Variants in LEF1 observed in about 807,000 individuals in gnomAD.
The protein encoded by LEF1 is lymphoid enhancer binding factor 1.
LEF1 carries 14 observed loss-of-function variants against 51.2 expected under a neutral mutation model. The ratio of observed to expected loss-of-function variants is 0.27; its 90% CI spans 0.18 to 0.43. The LOEUF (loss-of-function observed/expected upper bound fraction) is 0.43. Among genes scored for constraint, LEF1 ranks in the 20% least tolerant of loss-of-function variants. The probability of loss-of-function intolerance (pLI) is 1.00; values close to 1 mark genes in which losing one functional copy is unlikely to be tolerated. For missense variants in LEF1, 386 were observed against 512.0 expected, an observed-to-expected ratio of 0.75 and a Z score of 2.37; for synonymous variants, 185 against 183.2, an observed-to-expected ratio of 1.01 and a Z score of -0.08.
chr4:108,084,260 A>G (rs1739500293), intron 4 of LEF1, among the ~76,000 whole-genome samples: 1 of 152,206 alleles, frequency 6.6e-6, no homozygotes, highest in Non-Finnish European at 1.5e-5. Context: ...AACAACTTAG[A>G]TTCAATGTGT....
chr4:108,129,812 C>CA (rs1025933311), intron 3 of LEF1, among the ~76,000 whole-genome samples: 1 of 152,090 alleles, frequency 6.6e-6, no homozygotes, highest in East Asian at 1.9e-4. Context: ...ATCCTAGGCA[C>CA]AAAAAATGTG....
rs3819199 is a variant in LEF1, at chr4:108,081,403, C to A, written c.722+183G>T. 8.1e-3 allele frequency among the ~76,000 whole-genome samples: 1,230 copies of A among 151,758 alleles called. 12 individuals carry two copies. Among genetic ancestry groups the A allele is most frequent in the African/African-American group, 0.028 (1,161 of 41,384 alleles). ...TGTGGCTGGTCCGGCCGGGGCACAG[C>A]GCAGAGCTCCTACCCGGGACTCTCT... On this transcript the variant is annotated intron_variant, in intron 6 of 11. Coordinates refer to ENST00000265165, the MANE Select transcript of LEF1 (RefSeq NM_016269.5).
intron 9 of LEF1, among the ~76,000 whole-genome samples, chr4:108,065,152 G>T (rs1737982108): frequency 6.6e-6 from 1 of 152,126 alleles, no homozygotes; most frequent in East Asian, 1.9e-4. Context: ...CACTTACAGT[G>T]GTCTAATTTT....
chr4:108,065,976 T>C (rs538195453), intron 9 of LEF1, among the ~76,000 whole-genome samples: 124 of 152,204 alleles, frequency 8.1e-4, no homozygotes, highest in African/African-American at 2.7e-3. Context: ...GATCTTGGCT[T>C]ACTGCAACCT....
chr4:108,064,451 G>T, intron 9 of LEF1, 67 bp from the exon 10 acceptor site: 2 of 1,199,230 alleles, frequency 1.7e-6, no homozygotes, highest in Non-Finnish European at 1.2e-6. Flanking sequence ...AATGTGATGT[G>T]GAAGTACAGG....
chr4:108,059,896 A>T (rs1474333007), intron 11 of LEF1, among the ~76,000 whole-genome samples: 2 of 152,100 alleles, frequency 1.3e-5, no homozygotes, highest in Admixed American at 1.3e-4. Context: ...TGTTGCTCAG[A>T]CTGGTCTCAA....
intron 11 of LEF1, among the ~76,000 whole-genome samples, chr4:108,055,020 GT>G (rs751317134): frequency 2.6e-5 from 4 of 152,174 alleles, no homozygotes; most frequent in Non-Finnish European, 5.9e-5. Context: ...GGAAAAACAC[GT>G]TAAAACTATC....
intron 3 of LEF1, among the ~76,000 whole-genome samples, chr4:108,120,283 A>G (rs1742095357): frequency 6.6e-6 from 1 of 152,120 alleles, no homozygotes; most frequent in Non-Finnish European, 1.5e-5. Context: ...CTCCTGCCTC[A>G]GCCTCCCAAA....
intron 1 of LEF1, chr4:108,166,628 A>C: frequency 9.4e-7 from 1 of 1,059,232 alleles, no homozygotes; most frequent in Non-Finnish European, 1.1e-6. Flanking sequence ...GCCAGCACCC[A>C]CGTGTCTCTA....
intron 3 of LEF1, among the ~76,000 whole-genome samples, chr4:108,116,795 T>G (rs957920275): frequency 6.6e-6 from 1 of 152,228 alleles, no homozygotes; most frequent in Admixed American, 6.5e-5. Context: ...GTCTCTCAGT[T>G]TCCTGTAAGG....
In LEF1 at chr4:108,086,602, A is replaced by G. The variant is rs895977981; in HGVS notation, c.547+2523T>C. Among the ~76,000 whole-genome samples, 14 of 152,320 alleles carry G rather than the reference A, an allele frequency of 9.2e-5. No homozygotes were observed. In the Middle Eastern group the frequency reaches 0.017, roughly 185 times the overall value. ...AATTGCTACTGTTTTATAAAATAAGAATAGGACTGTTGTGAAGAATAAATG... is the reference window on the plus strand; with the variant it reads ...AATTGCTACTGTTTTATAAAATAAGGATAGGACTGTTGTGAAGAATAAATG... On this transcript the variant is annotated intron_variant, in intron 4 of 11. Coordinates refer to ENST00000265165, the MANE Select transcript of LEF1 (RefSeq NM_016269.5).
intron 3 of LEF1, 93 bp downstream of exon 3, chr4:108,163,475 A>G: frequency 7.3e-7 from 1 of 1,361,004 alleles, no homozygotes; most frequent in Non-Finnish European, 1.0e-6. Context: ...TAATGAAAGC[A>G]TTACCAATGA....
chr4:108,086,873 T>C (rs1022404195), intron 4 of LEF1, among the ~76,000 whole-genome samples: 1 of 122,536 alleles, frequency 8.2e-6, no homozygotes, highest in African/African-American at 2.8e-5. Context: ...TGCTCCCTAA[T>C]AGGAAATTAA....
Position 108,078,206 on chromosome 4 carries a change from A to G in LEF1, c.1008+14T>C. 6.2e-7 allele frequency: 1 copy of G among 1,613,040 alleles called. No individual in the cohort carries two copies. Among genetic ancestry groups the G allele is most frequent in the Admixed American group, 1.7e-5 (1 of 59,908 alleles). ...TGGCTACCATGAACATTTACACATG[A>G]CTCGGCTACTTACCCTTCTGCCAAG... On this transcript the variant is annotated intron_variant, in intron 8 of 11. Coordinates refer to ENST00000265165, the MANE Select transcript of LEF1 (RefSeq NM_016269.5).
chr4:108,049,020 G>A (rs947568011), intron 11 of LEF1, among the ~76,000 whole-genome samples: 3 of 152,102 alleles, frequency 2.0e-5, no homozygotes, highest in African/African-American at 4.8e-5. Flanking sequence ...CTGGGTCATG[G>A]TAAACAGAAC....
intron 1 of LEF1, chr4:108,166,370 TG>T (rs1745395346): frequency 2.7e-6 from 4 of 1,490,420 alleles, no homozygotes; most frequent in South Asian, 1.3e-5. Context: ...ACTTTCTTTT[TG>T]GGGGTAGAAA....
chr4:108,164,740 C>T (rs768976752), intron 2 of LEF1, among the ~76,000 whole-genome samples: 3 of 151,914 alleles, frequency 2.0e-5, no homozygotes, highest in Non-Finnish European at 2.9e-5. Context: ...GAAAATAAAT[C>T]GATATATACT....
chr4:108,130,564 C>CA (rs113815125), intron 3 of LEF1, among the ~76,000 whole-genome samples: 2,099 of 98,776 alleles, frequency 0.021, 14 homozygotes, highest in East Asian at 0.058. Flanking sequence ...ACTAAAAATA[C>CA]AAAAAAAAAA....
intron 3 of LEF1, among the ~76,000 whole-genome samples, chr4:108,131,772 A>T (rs757099368): frequency 6.6e-6 from 1 of 152,184 alleles, no homozygotes; most frequent in African/African-American, 2.4e-5. Flanking sequence ...AGCTTATTGT[A>T]TCAAACATAT....
Sources: allele counts gnomAD v4.1 joint callset (sites outside exome capture counted in the v4.1 genomes callset), GRCh38; gene constraint gnomAD v4.1.1; transcripts MANE v1.5; gene names NCBI Gene and HGNC (gene_info 2026-07-23, HGNC 2026-07-21).